Variants in FHIT observed in about 807,000 individuals in gnomAD.
FHIT encodes bis(5'-adenosyl)-triphosphatase.
A neutral mutation model predicts 17.9 loss-of-function variants in FHIT; 19 were observed. The ratio of observed to expected loss-of-function variants is 1.06; its 90% confidence interval spans 0.74 to 1.56. FHIT has a LOEUF of 1.56. FHIT is among the 40% of genes most tolerant of loss of function. FHIT has a pLI of 0.00. For synonymous variants in FHIT, 81 were observed against 69.7 expected (o/e 1.16, Z -0.81); for missense variants, 248 against 189.2 (o/e 1.31, Z -1.82).
At chr3:60,617,320 C>T (rs2038980275) in intron 4 of FHIT, 1 of 186,710 alleles carries the variant, frequency 5.4e-6, no homozygotes. Context: ...CTTAGGGATT[C>T]TATGAGTTCC....
chr3:60,526,056 T>C (rs2035562562), intron 5 of FHIT, among the ~76,000 whole-genome samples: 1 of 152,038 alleles, frequency 6.6e-6, no homozygotes. Context: ...TGAGTCAAGG[T>C]TGTACCACTG....
intron 5 of FHIT, among the ~76,000 whole-genome samples, chr3:60,026,261 C>G (rs144408330): frequency 1.6e-4 from 24 of 150,098 alleles, no homozygotes; most frequent in African/African-American, 5.6e-4. Context: ...AGTGTTTTTT[C>G]AAAATAATAG....
At chr3:60,705,196 A>G (rs1297281924) in intron 4 of FHIT, among the ~76,000 whole-genome samples, 1 of 152,206 alleles carries the variant, frequency 6.6e-6, no homozygotes, top group East Asian at 1.9e-4. Context: ...TACTTTCATG[A>G]CACTTTTCTT....
intron 5 of FHIT, among the ~76,000 whole-genome samples, chr3:60,458,373 T>G (rs971375926): frequency 6.7e-6 from 1 of 148,250 alleles, no homozygotes; most frequent in Non-Finnish European, 1.5e-5. Context: ...TAGGTGGGAA[T>G]TGAACTATGA....
chr3:60,879,417 G>C (rs1442489514), intron 3 of FHIT, among the ~76,000 whole-genome samples: 1 of 152,206 alleles, frequency 6.6e-6, no homozygotes, highest in Non-Finnish European at 1.5e-5. Flanking sequence ...ACAGGTGAAA[G>C]TCTTTCTCTG....
chr3:61,071,844 G>A (rs2034818946), intron 2 of FHIT, among the ~76,000 whole-genome samples: 1 of 152,092 alleles, frequency 6.6e-6, no homozygotes, highest in Non-Finnish European at 1.5e-5. Flanking sequence ...TGAAGTTATG[G>A]GGGATATTTA....
chr3:60,808,837 G>T (rs1403770831), intron 4 of FHIT, among the ~76,000 whole-genome samples: 3 of 152,160 alleles, frequency 2.0e-5, no homozygotes, highest in Non-Finnish European at 4.4e-5. Context: ...TTGGCTTGGT[G>T]GCCAAAACTT....
chr3:60,976,084 G>GTTTTTC lies in FHIT; in HGVS notation c.-111+65957_-111+65962dup, dbSNP rs1559880804. Among the ~76,000 whole-genome samples, 183 of 112,696 alleles carry GTTTTTC rather than the reference G, an allele frequency of 1.6e-3. 1 individual carries two copies. The highest frequency in any genetic ancestry group is 5.4e-3 in the African/African-American group (173 of 31,856). 73.9% of individuals were successfully genotyped at this position (112,696 alleles called of 152,430 possible). ...CCTCCAAACATACTTTGTATCTTTCGTTTTTCTTTTTCTTTTTTTTTTTTT... is the reference window on the plus strand; with the variant it reads ...CCTCCAAACATACTTTGTATCTTTCGTTTTTCTTTTTCTTTTTCTTTTTTTTTTTTT... On this transcript the variant is annotated intron_variant, in intron 3 of 9. Transcript: ENST00000492590.
At chr3:60,329,389 T>C (rs1290702444) in intron 5 of FHIT, among the ~76,000 whole-genome samples, 1 of 152,214 alleles carries the variant, frequency 6.6e-6, no homozygotes, top group Non-Finnish European at 1.5e-5. Flanking sequence ...GAACCACTAC[T>C]AGAGGATTCT....
At chr3:61,108,214 T>G (rs2036048454) in intron 2 of FHIT, among the ~76,000 whole-genome samples, 1 of 152,208 alleles carries the variant, frequency 6.6e-6, no homozygotes, top group Admixed American at 6.5e-5. Flanking sequence ...TAATTATTAA[T>G]AATGTTCACT....
chr3:61,124,157 G>C (rs941852602), intron 2 of FHIT, among the ~76,000 whole-genome samples: 1 of 152,178 alleles, frequency 6.6e-6, no homozygotes. Flanking sequence ...ACGGCTATTA[G>C]AGCAAAACGT....
chr3:60,114,566 T>G (rs1449655081), intron 5 of FHIT, among the ~76,000 whole-genome samples: 2 of 136,640 alleles, frequency 1.5e-5, no homozygotes, highest in East Asian at 4.7e-4. Context: ...CAATCTCAGC[T>G]CACTGCACTC....
intron 4 of FHIT, among the ~76,000 whole-genome samples, chr3:60,798,164 C>A (rs912249132): frequency 3.9e-5 from 6 of 152,048 alleles, no homozygotes; most frequent in Non-Finnish European, 8.8e-5. Context: ...CTAGAGTTGG[C>A]CCTGGGGCCT....
At chr3:60,351,638 C>T (rs1699399569) in intron 5 of FHIT, among the ~76,000 whole-genome samples, 1 of 152,170 alleles carries the variant, frequency 6.6e-6, no homozygotes, top group Admixed American at 6.6e-5. Context: ...ATGCTGCAAA[C>T]ACCACCATGA....
intron 5 of FHIT, among the ~76,000 whole-genome samples, chr3:60,440,750 A>C (rs142521584): frequency 1.8e-4 from 27 of 152,194 alleles, no homozygotes; most frequent in African/African-American, 6.3e-4. Context: ...GTGGGGCAAT[A>C]AATCTCTGGA....
chr3:60,130,894 T>TAC (rs34137642), intron 5 of FHIT, among the ~76,000 whole-genome samples: 80,436 of 144,622 alleles, frequency 0.56, 23,233 homozygotes, highest in South Asian at 0.66. Flanking sequence ...TATACACACA[T>TAC]ACACATATAT....
At chr3:60,628,063 T>C (rs12498001) in intron 4 of FHIT, among the ~76,000 whole-genome samples, 61,317 of 152,102 alleles carry the variant, frequency 0.4, 12,665 homozygotes, top group East Asian at 0.65. Context: ...GATTTGAGAT[T>C]TTTTAAAAAT....
chr3:60,602,573 T>C (rs1475993313), intron 4 of FHIT, among the ~76,000 whole-genome samples: 1 of 151,748 alleles, frequency 6.6e-6, no homozygotes, highest in Non-Finnish European at 1.5e-5. Flanking sequence ...AAAGAAACAA[T>C]CCTGGCATCT....
intron 4 of FHIT, among the ~76,000 whole-genome samples, chr3:60,648,132 T>G (rs1320986948): frequency 1.3e-5 from 2 of 151,482 alleles, no homozygotes; most frequent in Admixed American, 1.3e-4. Flanking sequence ...GGGTGGGGAG[T>G]CAGGGAGTGG....
Sources: allele counts gnomAD v4.1 joint callset (sites outside exome capture counted in the v4.1 genomes callset), GRCh38; gene constraint gnomAD v4.1.1; transcripts MANE v1.5; gene names NCBI Gene and HGNC (gene_info 2026-07-23, HGNC 2026-07-21).